LPA: variants seen among roughly 807,000 people sequenced by gnomAD.
LPA encodes the protein lipoprotein(a), also known as apolipoprotein(a).
A neutral mutation model predicts 197.9 loss-of-function variants in LPA; 199 were observed. That is an observed-to-expected ratio of 1.01 (90% CI 0.90 to 1.13). LPA has a LOEUF of 1.13. Ranked by LOEUF, LPA falls within the 50% of genes most tolerant of loss-of-function variation. LPA has a pLI of 0.00. For missense variants in LPA, 1,853 were observed against 1,785.8 expected (o/e 1.04, Z -0.68); for synonymous variants, 715 against 639.5 (o/e 1.12, Z -1.78).
At chr6:160,538,112 A>C in intron 36 of LPA, 151 bp from the exon 37 acceptor site, 1 of 702,192 alleles carries the variant, frequency 1.4e-6, no homozygotes, top group Non-Finnish European at 2.6e-6. Context: ...ACAGCGTTTC[A>C]CCCTCACATT....
intron 28 of LPA, among the ~76,000 whole-genome samples, chr6:160,576,320 ATG>A (rs530223802): frequency 2.0e-3 from 116 of 59,074 alleles, no homozygotes; most frequent in Middle Eastern, 0.01. Flanking sequence ...ACCTGTATGT[ATG>A]TGTGTGTGTG....
chr6:160,539,742 G>T (rs965692151), intron 36 of LPA, among the ~76,000 whole-genome samples: 2 of 152,166 alleles, frequency 1.3e-5, no homozygotes, highest in Admixed American at 6.5e-5. Context: ...TAGTTAGCCT[G>T]GAATAACAAC....
intron 18 of LPA, 88 bp from the exon 19 acceptor site, chr6:160,601,186 T>A: frequency 8.5e-7 from 1 of 1,175,214 alleles, no homozygotes; most frequent in Non-Finnish European, 1.3e-6. Context: ...TCATTACTGG[T>A]GCCTTTGAAA....
chr6:160,663,124 A>G (rs1321195), intron 1 of LPA, among the ~76,000 whole-genome samples: 134,881 of 152,290 alleles, frequency 0.89, 60,031 homozygotes, highest in African/African-American at 0.97. Context: ...AAAGTGAAGT[A>G]GTACGGCAGG....
chr6:160,652,727 A>G (rs1015918606), intron 1 of LPA, among the ~76,000 whole-genome samples: 15 of 152,184 alleles, frequency 9.9e-5, no homozygotes, highest in African/African-American at 3.6e-4. Context: ...GAGCTATAAC[A>G]TAATAGAAGT....
Position 160,611,774 on chromosome 6 carries a change from T to C in LPA, c.2444-53A>G. The C allele has an allele frequency of 4.7e-6, 6 of 1,267,352 alleles. No individual in the cohort carries two copies. The East Asian group carries it at 1.2e-4, about 26-fold the overall frequency. The allele number at this position is 1,267,352 out of a possible 1,614,324, so 78.5% of individuals were successfully genotyped here. The stretch of plus-strand genomic sequence containing the variant: ...GAGTATCTCTGAGAATAACGAAATA[T>C]GTGAAGCCATTTATGACACAACCAG... On this transcript the variant is annotated intron_variant, in intron 15 of 38. Transcript: ENST00000316300.
At chr6:160,604,189 T>C (rs1357169817) in intron 18 of LPA, among the ~76,000 whole-genome samples, 4 of 152,184 alleles carry the variant, frequency 2.6e-5, no homozygotes, top group East Asian at 1.9e-4. Context: ...ACCACAGTAG[T>C]CCCAAATTCC....
At chr6:160,548,729 A>G (rs932171206) in intron 30 of LPA, 70 bp from the exon 31 acceptor site, 46 of 1,526,778 alleles carry the variant, frequency 3.0e-5, no homozygotes, top group Non-Finnish European at 3.9e-5. Context: ...CACCCTCTAC[A>G]TTTTGTTCTA....
At position 160,601,013 on chromosome 6, in the gene LPA, A is replaced by G. The variant is rs1583611355; in HGVS notation, c.3031T>C (p.Tyr1011His). Residue 1011 changes from tyrosine to histidine, a missense_variant, in exon 19 of 39, where the codon TAC becomes CAC. Physicochemically the swap from Tyr to His is moderately conservative, Grantham distance 83. Coordinates refer to ENST00000316300, the MANE Select transcript of LPA (RefSeq NM_005577.4). ...TCTGAGCATCGTGTCAGGTTGCAGTACTCCCACCTGACACTGGGATCTGTT... is the reference window on the plus strand; with the variant it reads ...TCTGAGCATCGTGTCAGGTTGCAGTGCTCCCACCTGACACTGGGATCTGTT... ...YTTDPSVRWE[Y>H]CNLTRCSDAE... 6.2e-7 allele frequency: 1 copy of G among 1,613,806 alleles called. No homozygotes were observed. The highest frequency in any genetic ancestry group is 1.3e-5 in the African/African-American group (1 of 74,900).
intron 27 of LPA, among the ~76,000 whole-genome samples, chr6:160,578,020 C>A (rs1172298032): frequency 2.0e-5 from 3 of 152,146 alleles, no homozygotes; most frequent in African/African-American, 7.2e-5. Flanking sequence ...CAGGGAGAGA[C>A]AGCATTCGTT....
intron 7 of LPA, among the ~76,000 whole-genome samples, chr6:160,634,915 C>A (rs7746435): frequency 0.33 from 44,996 of 134,650 alleles, 11,226 homozygotes; most frequent in African/African-American, 0.36. Flanking sequence ...GGTTTGTGCC[C>A]ATTCTAAAGA....
chr6:160,557,852 A>G (rs1003284025), intron 28 of LPA, among the ~76,000 whole-genome samples: 1 of 152,162 alleles, frequency 6.6e-6, no homozygotes. Context: ...AAAATTCGGA[A>G]TATCTTCCTC....
At chr6:160,568,686 G>C (rs1778507703) in intron 28 of LPA, among the ~76,000 whole-genome samples, 1 of 152,206 alleles carries the variant, frequency 6.6e-6, no homozygotes, top group Non-Finnish European at 1.5e-5. Context: ...AGGAAAAGAG[G>C]AAGTTAAATT....
At chr6:160,576,408 A>G (rs1267628392) in intron 28 of LPA, among the ~76,000 whole-genome samples, 8 of 57,388 alleles carry the variant, frequency 1.4e-4, no homozygotes, top group African/African-American at 6.8e-4. Flanking sequence ...ATATATATAT[A>G]TATATATGGG....
At chr6:160,609,869 A>G (rs1420150118) in intron 16 of LPA, among the ~76,000 whole-genome samples, 1 of 151,948 alleles carries the variant, frequency 6.6e-6, no homozygotes, top group Non-Finnish European at 1.5e-5. Context: ...TAGGTTCTGC[A>G]GAATTGTTTT....
intron 31 of LPA, 55 bp from the exon 32 acceptor site, chr6:160,547,992 T>C (rs1334786650): frequency 4.4e-6 from 7 of 1,580,814 alleles, no homozygotes; most frequent in African/African-American, 2.7e-5. Flanking sequence ...GGCAGCCACA[T>C]AGACCCAGGA....
chr6:160,594,587 G>T (rs1212323899), intron 21 of LPA, among the ~76,000 whole-genome samples: 1 of 152,204 alleles, frequency 6.6e-6, no homozygotes, highest in Non-Finnish European at 1.5e-5. Flanking sequence ...AAGCGGTCCT[G>T]CATCTAGGAC....
At chr6:160,570,557 C>G (rs990153893) in intron 28 of LPA, among the ~76,000 whole-genome samples, 1 of 152,132 alleles carries the variant, frequency 6.6e-6, no homozygotes, top group African/African-American at 2.4e-5. Flanking sequence ...ATGGGTGCAG[C>G]ACACCAACAT....
Position 160,577,133 on chromosome 6 carries a change from T to C in LPA, c.4631+3A>G. 1 of 1,613,346 alleles carries C rather than the reference T, an allele frequency of 6.2e-7. No individual in the cohort carries two copies. The highest frequency in any genetic ancestry group is 2.2e-5 in the East Asian group (1 of 44,854). On this transcript the variant is annotated splice_donor_region_variant and intron_variant, in intron 28 of 38. Transcript: ENST00000316300. ...CCTCTTATGGTTTTAATCAAATACA[T>C]ACGCATTTGGGTAGTTTTCTGGGGT...
Sources: allele counts gnomAD v4.1 joint callset (sites outside exome capture counted in the v4.1 genomes callset), GRCh38; gene constraint gnomAD v4.1.1; transcripts MANE v1.5; gene names NCBI Gene and HGNC (gene_info 2026-07-23, HGNC 2026-07-21).